Variants in PGBD2 observed in about 807,000 individuals in gnomAD.
PGBD2 encodes piggyBac transposable element-derived protein 2.
In PGBD2, 6 loss-of-function variants were observed where a neutral mutation model predicts 8.1. That is an observed-to-expected ratio of 0.74 (90% CI 0.40 to 1.46). The LOEUF is 1.46. Ranked by LOEUF, PGBD2 falls within the 40% of genes most tolerant of loss-of-function variation. The probability of loss-of-function intolerance (pLI) is 0.02; values close to 1 mark genes in which losing one functional copy is unlikely to be tolerated. For synonymous variants in PGBD2, 318 were observed against 272.2 expected (o/e 1.17, Z -1.66); for missense variants, 802 against 739.0 (o/e 1.09, Z -0.99).
At chr1:248,878,122 T>C in the PGBD2 span, among the ~76,000 whole-genome samples, 1 of 152,144 alleles carries the variant, frequency 6.6e-6, no homozygotes, top group African/African-American at 2.4e-5. Context: ...GGAGATCATG[T>C]TGTCATTTAG....
chr1:248,910,771 T>C (rs918814414), intron 1 of PGBD2, among the ~76,000 whole-genome samples: 2 of 152,114 alleles, frequency 1.3e-5, no homozygotes, highest in Non-Finnish European at 2.9e-5. Flanking sequence ...ATGTCTGTGA[T>C]TACTGGAGCT....
At chr1:248,879,676 A>G in the PGBD2 span, among the ~76,000 whole-genome samples, 2 of 152,234 alleles carry the variant, frequency 1.3e-5, no homozygotes, top group Non-Finnish European at 2.9e-5. Context: ...TTGAGATTAC[A>G]GGCATGAGCC....
At chr1:248,892,281 T>C in the PGBD2 span, among the ~76,000 whole-genome samples, 3,844 of 112,312 alleles carry the variant, frequency 0.034, 127 homozygotes, top group African/African-American at 0.11. Context: ...CTCCCTTCCT[T>C]CCTTCCTTCC....
chr1:248,909,235 T>G (rs957523853), intron 1 of PGBD2, among the ~76,000 whole-genome samples: 2 of 152,160 alleles, frequency 1.3e-5, no homozygotes, highest in Non-Finnish European at 2.9e-5. Flanking sequence ...ATGGAGGGCC[T>G]GGGGAGCACA....
chr1:248,918,987 G>A lies in PGBD2; in HGVS notation c.*624G>A, dbSNP rs1412840674. The stretch of plus-strand genomic sequence containing the variant: ...GTACATAGTAGGAGTGTATTTTTAT[G>A]GGTTACATGAGATATTCTGATACAA... On this transcript the variant is annotated 3_prime_UTR_variant, in exon 3 of 3. Coordinates refer to ENST00000329291, the MANE Select transcript of PGBD2 (RefSeq NM_170725.3). 2 of 166,772 alleles carry A rather than the reference G, an allele frequency of 1.2e-5. No individual in the cohort carries two copies. The highest frequency in any genetic ancestry group is 4.8e-5 in the African/African-American group (2 of 41,342). The allele number at this position is 166,772 out of a possible 1,614,324, so 10.3% of individuals were successfully genotyped here. A position where few individuals can be genotyped will look rare whatever the true frequency, so the allele number is the denominator to read the frequency against.
chr1:248,924,561 C>A (rs1662347674), downstream of PGBD2, among the ~76,000 whole-genome samples: 1 of 152,164 alleles, frequency 6.6e-6, no homozygotes, highest in Non-Finnish European at 1.5e-5. Context: ...AAAAGAAGTT[C>A]TCTTTTGTCA....
At chr1:248,879,471 C>A in the PGBD2 span, among the ~76,000 whole-genome samples, 1 of 152,074 alleles carries the variant, frequency 6.6e-6, no homozygotes, top group African/African-American at 2.4e-5. Flanking sequence ...CTCAGCTCAC[C>A]GCAGCCTCAA....
At chr1:248,916,102 A>C (rs568806845) in intron 2 of PGBD2, among the ~76,000 whole-genome samples, 18 of 152,352 alleles carry the variant, frequency 1.2e-4, no homozygotes, top group African/African-American at 3.6e-4. Flanking sequence ...CATTGTTAAA[A>C]TACTTCTGCA....
At position 248,917,104 on chromosome 1, in the gene PGBD2, C is replaced by T. The variant is rs150921336; in HGVS notation, c.520C>T (p.Leu174Phe). The T allele has an allele frequency of 3.1e-6, 5 of 1,614,008 alleles. No individual in the cohort carries two copies. The African/African-American group carries it at 4.0e-5, about 13-fold the overall frequency. ...TTGGCAGAAAAATGTCAATTTGAGT[C>T]TTACGGCTCAGGAATTGAAGTGTGT... is the stretch of plus-strand genomic sequence containing the variant. Reference protein sequence around the residue: ...YAWQKNVNLSLTAQELKCVLG... With the variant: ...YAWQKNVNLSFTAQELKCVLG... Residue 174 changes from leucine to phenylalanine, a missense_variant, in exon 3 of 3, where the codon CTT becomes TTT. By Grantham distance (22) the Leu-to-Phe change is conservative. Transcript: ENST00000329291.
At position 248,917,213 on chromosome 1, in the gene PGBD2, A is replaced by C; in HGVS notation, c.629A>C (p.His210Pro). 6.2e-7 allele frequency: 1 copy of C among 1,614,150 alleles called. No homozygotes were observed. Among genetic ancestry groups the C allele is most frequent in the Non-Finnish European group, 8.5e-7 (1 of 1,180,036 alleles). The change falls in exon 3 of 3, where the codon CAT (histidine) becomes CCT (proline). Residue 210 changes from histidine (H) to proline (P), a missense_variant. Transcript: ENST00000329291. ...FWETSPDSHH[H>P]LVADAIRRDR... ...GAAACCTCTCCCGATTCACATCATC[A>C]TCTTGTGGCTGATGCAATTAGAAGG...
the PGBD2 span, among the ~76,000 whole-genome samples, chr1:248,875,399 AT>A: frequency 6.6e-6 from 1 of 151,992 alleles, no homozygotes; most frequent in Non-Finnish European, 1.5e-5. Flanking sequence ...CAGATATGCC[AT>A]TACTCCATGT....
At chr1:248,919,713 T>G (rs1662244828), downstream of PGBD2, 1 of 166,428 alleles carries the variant, frequency 6.0e-6, no homozygotes, top group Admixed American at 6.5e-5. Context: ...CCAGCAGTGT[T>G]CAAGGGTTCC....
chr1:248,881,974 A>T, the PGBD2 span, among the ~76,000 whole-genome samples: 5 of 152,238 alleles, frequency 3.3e-5, no homozygotes, highest in Non-Finnish European at 7.3e-5. Flanking sequence ...AGCAGTAAAA[A>T]GTGCATAGAG....
chr1:248,914,595 A>G (rs1394902245), intron 2 of PGBD2: 2 of 1,288,912 alleles, frequency 1.6e-6, no homozygotes, highest in Non-Finnish European at 2.0e-6. Flanking sequence ...TAAATCCTGC[A>G]TCCTTCTGTT....
intron 1 of PGBD2, among the ~76,000 whole-genome samples, chr1:248,906,795 G>A (rs949856060): frequency 2.6e-5 from 4 of 152,112 alleles, no homozygotes; most frequent in African/African-American, 9.7e-5. Flanking sequence ...AACTGCGTCT[G>A]CCTGGGAAGC....
the PGBD2 span, among the ~76,000 whole-genome samples, chr1:248,873,045 T>G: frequency 1.3e-5 from 2 of 151,730 alleles, 1 homozygote; most frequent in South Asian, 4.3e-4. Flanking sequence ...TCTCCTTCAC[T>G]AGCAAATCAG....
chr1:248,910,540 C>T (rs369384225), intron 1 of PGBD2, among the ~76,000 whole-genome samples: 1 of 152,202 alleles, frequency 6.6e-6, no homozygotes, highest in African/African-American at 2.4e-5. Flanking sequence ...CACAGCTCAT[C>T]GCTGGTGGCT....
chr1:248,922,456 C>G (rs1464469924), downstream of PGBD2, among the ~76,000 whole-genome samples: 2 of 152,188 alleles, frequency 1.3e-5, no homozygotes, highest in Non-Finnish European at 1.5e-5. Flanking sequence ...ATTTCTTTCT[C>G]TTGCCTCATT....
the PGBD2 span, among the ~76,000 whole-genome samples, chr1:248,883,359 G>T: frequency 8.6e-5 from 13 of 152,044 alleles, no homozygotes; most frequent in African/African-American, 3.1e-4. Context: ...CCAACCTCAG[G>T]TGATCCGCCG....
Sources: gnomAD v4.1 joint callset for allele counts (sites outside exome capture counted in the v4.1 genomes callset) on GRCh38, gnomAD v4.1.1 for gene constraint, MANE v1.5 for transcripts, NCBI Gene and HGNC (gene_info 2026-07-23, HGNC 2026-07-21) for gene names.